Variants in CC2D2B observed in about 807,000 individuals in gnomAD.
CC2D2B encodes the protein coiled-coil and C2 domain containing 2B.
In CC2D2B, 128 loss-of-function variants were observed where a neutral mutation model predicts 161.2. The observed-to-expected ratio is 0.79, with a 90% CI of 0.69 to 0.92. The LOEUF (loss-of-function observed/expected upper bound fraction) is 0.92. Ranked by LOEUF, CC2D2B falls within the 40% of genes least tolerant of loss-of-function variation. The pLI, the probability that CC2D2B is intolerant of heterozygous loss-of-function variation, is 0.00. For synonymous variants in CC2D2B, 391 were observed against 449.8 expected, an observed-to-expected ratio of 0.87 and a Z score of 1.65; for missense variants, 1,173 against 1,375.1, an observed-to-expected ratio of 0.85 and a Z score of 2.32.
Position 96,004,027 on chromosome 10 carries a change from C to G in CC2D2B, c.2850-125C>G, listed in dbSNP as rs1005619870. ...CAGTCTTCAGAACATAGAACTTTTT[C>G]TTAGTTTATACTTCATAAAAGAAAA... On this transcript the variant is annotated intron_variant, in intron 24 of 34. Coordinates refer to ENST00000646931, the MANE Select transcript of CC2D2B (RefSeq NM_001349008.3). 3.2e-5 allele frequency: 19 copies of G among 587,748 alleles called. 1 individual carries two copies. The African/African-American group carries it at 3.6e-4, about 11-fold the overall frequency. 36.4% of individuals were successfully genotyped at this position (587,748 alleles called of 1,614,324 possible).
intron 17 of CC2D2B, among the ~76,000 whole-genome samples, chr10:95,981,348 G>C (rs1226163866): frequency 7.1e-6 from 1 of 141,800 alleles, no homozygotes; most frequent in Admixed American, 7.7e-5. Context: ...AGCCGGGATC[G>C]CGCCACCGCA....
chr10:95,968,987 G>C (rs1193094732), intron 15 of CC2D2B, 86 bp downstream of exon 15: 1 of 555,108 alleles, frequency 1.8e-6, no homozygotes, highest in East Asian at 3.5e-5. Context: ...TATGTGATAA[G>C]TAATTTCTTT....
At chr10:95,941,742 G>A (rs1405437200) in intron 9 of CC2D2B, among the ~76,000 whole-genome samples, 1 of 152,174 alleles carries the variant, frequency 6.6e-6, no homozygotes. Flanking sequence ...TACACTGTTG[G>A]TGGGAATGTA....
intron 34 of CC2D2B, among the ~76,000 whole-genome samples, chr10:96,029,278 A>G (rs1425913525): frequency 4.0e-4 from 24 of 60,062 alleles, no homozygotes; most frequent in East Asian, 1.2e-3. Flanking sequence ...ATATATATAT[A>G]TATATATGTA....
At chr10:95,967,909 A>G (rs1180859672) in intron 14 of CC2D2B, among the ~76,000 whole-genome samples, 5 of 152,168 alleles carry the variant, frequency 3.3e-5, no homozygotes, top group East Asian at 1.9e-4. Context: ...TTATGTTTCA[A>G]CTTAGGGTTT....
intron 2 of CC2D2B, among the ~76,000 whole-genome samples, chr10:95,913,062 T>A (rs1451169850): frequency 3.9e-5 from 6 of 152,138 alleles, no homozygotes; most frequent in African/African-American, 1.4e-4. Flanking sequence ...CTAGATCGTA[T>A]TCATTGCATT....
At position 95,945,677 on chromosome 10, in the gene CC2D2B, T is replaced by G. The variant is rs1303003480; in HGVS notation, c.802-4219T>G. On this transcript the variant is annotated intron_variant, in intron 9 of 34. Coordinates refer to ENST00000646931, the MANE Select transcript of CC2D2B (RefSeq NM_001349008.3). ...ATGCTTTTGGTAGAACACACTTACC[T>G]AGTTCTAGAAGCCTATTTAACTCAC... is the stretch of plus-strand genomic sequence containing the variant. Among the ~76,000 whole-genome samples the G allele has an allele frequency of 2.6e-5, 4 of 152,218 alleles. No individual in the cohort carries two copies. In the East Asian group the frequency reaches 7.7e-4, roughly 29 times the overall value.
intron 14 of CC2D2B, 52 bp from the exon 15 acceptor site, chr10:95,968,672 T>C (rs1310423939): frequency 2.9e-6 from 2 of 689,434 alleles, no homozygotes; most frequent in Non-Finnish European, 2.0e-6. Context: ...GAACAATATG[T>C]TATGTCTGTT....
intron 25 of CC2D2B, 110 bp from the exon 26 acceptor site, chr10:96,009,715 G>A: frequency 2.1e-6 from 1 of 477,602 alleles, no homozygotes; most frequent in Non-Finnish European, 3.6e-6. Context: ...TTTATCTTTT[G>A]ATTTCTTTTT....
chr10:95,937,296 C>T (rs2075858133), intron 6 of CC2D2B, among the ~76,000 whole-genome samples: 2 of 152,020 alleles, frequency 1.3e-5, no homozygotes, highest in Non-Finnish European at 2.9e-5. Flanking sequence ...CTCTGTTGTT[C>T]AGTATGTGTA....
chr10:95,929,253 T>G (rs1237827490), intron 6 of CC2D2B, among the ~76,000 whole-genome samples: 1 of 152,208 alleles, frequency 6.6e-6, no homozygotes, highest in East Asian at 1.9e-4. Context: ...GGGTTGTTTT[T>G]TCTTGTAAAT....
chr10:95,917,455 T>TTCCG (rs2098518453), intron 2 of CC2D2B, among the ~76,000 whole-genome samples: 1 of 152,122 alleles, frequency 6.6e-6, no homozygotes, highest in African/African-American at 2.4e-5. Flanking sequence ...CCTTCCTTCC[T>TTCCG]TCCATCCGTC....
chr10:96,025,363 CAA>C (rs35860002), intron 33 of CC2D2B, among the ~76,000 whole-genome samples: 742 of 52,460 alleles, frequency 0.014, 9 homozygotes, highest in African/African-American at 0.053. Flanking sequence ...TGAGGCCTTG[CAA>C]AAAAAAAAAA....
At chr10:95,922,357 C>T (rs968642917) in intron 3 of CC2D2B, among the ~76,000 whole-genome samples, 1 of 152,158 alleles carries the variant, frequency 6.6e-6, no homozygotes, top group East Asian at 1.9e-4. Flanking sequence ...AGGTGCAGAA[C>T]CTGCTTCAGC....
intron 2 of CC2D2B, among the ~76,000 whole-genome samples, chr10:95,911,787 T>C (rs1321132687): frequency 5.3e-5 from 8 of 152,208 alleles, no homozygotes; most frequent in Admixed American, 5.2e-4. Flanking sequence ...TACAGGATTC[T>C]GGGAATGGTG....
At chr10:96,003,026 AT>A (rs34815239) in intron 24 of CC2D2B, among the ~76,000 whole-genome samples, 24,391 of 145,204 alleles carry the variant, frequency 0.17, 2,631 homozygotes, top group East Asian at 0.59. Context: ...AAATAAATAT[AT>A]ATATATATAT....
chr10:95,983,663 G>A lies in CC2D2B; in HGVS notation c.2140G>A (p.Asp714Asn). 1 of 1,231,826 alleles carries A rather than the reference G, an allele frequency of 8.1e-7. No homozygotes were observed. Among genetic ancestry groups the A allele is most frequent in the Non-Finnish European group, 1.0e-6 (1 of 987,738 alleles). The allele number at this position is 1,231,826 out of a possible 1,614,324, so 76.3% of individuals were successfully genotyped here. The change falls in exon 19 of 35, where the codon GAT becomes AAT. Residue 714 changes from aspartate (D) to asparagine (N), a missense_variant. Physicochemically the swap from Asp to Asn is conservative, Grantham distance 23. This residue lies in a region of CC2D2B where 277 missense variants were observed against 420.6 expected (regional missense o/e 0.66). Transcript: ENST00000646931. The stretch of plus-strand genomic sequence containing the variant: ...GTATTTTCGTCTTGAACAGTTGCAA[G>A]ATGAATTTAACTTCGTTTCTGAAGA... ...PKYFRLEQLQ[D>N]EFNFVSEEEM...
intron 10 of CC2D2B, chr10:95,950,634 T>C (rs1221596515): frequency 6.6e-6 from 1 of 152,144 alleles, no homozygotes; most frequent in Non-Finnish European, 1.5e-5. Flanking sequence ...TGACTAGTGT[T>C]CTCTTGGGAA....
At chr10:95,916,478 C>T (rs1422270006) in intron 2 of CC2D2B, among the ~76,000 whole-genome samples, 4 of 151,884 alleles carry the variant, frequency 2.6e-5, no homozygotes, top group African/African-American at 9.7e-5. Flanking sequence ...CTTTAAGACG[C>T]ATCATTAGGT....
Sources: allele counts gnomAD v4.1 joint callset (sites outside exome capture counted in the v4.1 genomes callset), GRCh38; gene constraint gnomAD v4.1.1; regional missense constraint gnomAD v4.1.1; transcripts MANE v1.5; gene names NCBI Gene and HGNC (gene_info 2026-07-23, HGNC 2026-07-21).